CAMK1D: variants seen among roughly 807,000 people sequenced by gnomAD.
CAMK1D encodes the protein calcium/calmodulin dependent protein kinase ID, also known as calcium/calmodulin-dependent protein kinase type 1D.
Under a neutral mutation model 47.7 loss-of-function variants are expected in CAMK1D, and 9 were observed. The observed-to-expected ratio is 0.19, with a 90% CI of 0.11 to 0.33. CAMK1D has a LOEUF of 0.33. CAMK1D is among the 10% of genes least tolerant of loss of function. CAMK1D has a pLI of 1.00. For missense variants in CAMK1D, 291 were observed against 488.7 expected (o/e 0.60, Z 3.81); for synonymous variants, 184 against 184.9 (o/e 0.99, Z 0.04).
At chr10:12,534,788 T>G (rs1455995885) in intron 1 of CAMK1D, among the ~76,000 whole-genome samples, 1 of 152,208 alleles carries the variant, frequency 6.6e-6, no homozygotes, top group Non-Finnish European at 1.5e-5. Flanking sequence ...GAGCTCCTTG[T>G]ATCTTGTGGA....
At chr10:12,619,345 C>T (rs1489975676) in intron 2 of CAMK1D, among the ~76,000 whole-genome samples, 1 of 151,846 alleles carries the variant, frequency 6.6e-6, no homozygotes, top group Non-Finnish European at 1.5e-5. Context: ...GGCTGGAGTG[C>T]AGTGGTACAA....
In CAMK1D at chr10:12,524,975, C is replaced by G. The variant is rs181195911; in HGVS notation, c.93-28250C>G. 4.4e-3 allele frequency among the ~76,000 whole-genome samples: 666 copies of G among 152,034 alleles called. 5 individuals are homozygous for G. The highest frequency in any genetic ancestry group is 0.015 in the African/African-American group (642 of 41,472). On this transcript the variant is annotated intron_variant, in intron 1 of 10. Transcript: ENST00000619168. ...TTCACTGAGAATGTCTTTATTTCCC[C>G]TTTATTTCTAAATGGTATTTTATTG... is the stretch of plus-strand genomic sequence containing the variant.
At chr10:12,366,810 G>A (rs11595870) in intron 1 of CAMK1D, among the ~76,000 whole-genome samples, 4,847 of 152,156 alleles carry the variant, frequency 0.032, 101 homozygotes, top group Middle Eastern at 0.051. Flanking sequence ...CTCACTGGAG[G>A]TATTTCAGTA....
At chr10:12,482,750 C>A (rs1044215023) in intron 1 of CAMK1D, among the ~76,000 whole-genome samples, 3 of 152,244 alleles carry the variant, frequency 2.0e-5, no homozygotes, top group Admixed American at 1.3e-4. Context: ...AGTGGTAGCA[C>A]CTGAAGATAG....
intron 2 of CAMK1D, among the ~76,000 whole-genome samples, chr10:12,592,559 A>T (rs928152908): frequency 6.6e-6 from 1 of 152,102 alleles, no homozygotes; most frequent in East Asian, 1.9e-4. Context: ...CCAACCCCCC[A>T]TTCTCTGATG....
intron 3 of CAMK1D, among the ~76,000 whole-genome samples, chr10:12,759,085 A>C (rs1836371618): frequency 6.6e-6 from 1 of 152,218 alleles, no homozygotes; most frequent in Non-Finnish European, 1.5e-5. Flanking sequence ...GCAGTGGCTC[A>C]CGCCTGTAAT....
At chr10:12,677,313 C>T (rs995002514) in intron 3 of CAMK1D, among the ~76,000 whole-genome samples, 3 of 152,034 alleles carry the variant, frequency 2.0e-5, no homozygotes, top group East Asian at 1.9e-4. Flanking sequence ...AAAATGTTTC[C>T]GAATATGACA....
chr10:12,799,728 TTTGGCCCTTTAGGAGGAGGC>T (rs1838348814), intron 6 of CAMK1D, among the ~76,000 whole-genome samples: 1 of 152,174 alleles, frequency 6.6e-6, no homozygotes, highest in African/African-American at 2.4e-5. Context: ...TGCAGATGTA[TTTGGCCCTTTAGGAGGAGGC>T]TTGGTACTCT....
chr10:12,811,315 G>A (rs1832598268), intron 6 of CAMK1D, among the ~76,000 whole-genome samples: 1 of 152,072 alleles, frequency 6.6e-6, no homozygotes, highest in Non-Finnish European at 1.5e-5. Context: ...AGTCCTCTGT[G>A]TATCAAGTTA....
At chr10:12,768,214 TTAC>T (rs1478240497) in intron 4 of CAMK1D, among the ~76,000 whole-genome samples, 4 of 152,180 alleles carry the variant, frequency 2.6e-5, no homozygotes, top group Non-Finnish European at 5.9e-5. Context: ...AGGAATTTCC[TTAC>T]TGGCGAATCA....
At chr10:12,473,114 G>A (rs183565183) in intron 1 of CAMK1D, among the ~76,000 whole-genome samples, 6 of 152,240 alleles carry the variant, frequency 3.9e-5, no homozygotes, top group Non-Finnish European at 7.4e-5. Context: ...GAGAGGGTGC[G>A]CCAGGTGGAA....
intron 5 of CAMK1D, among the ~76,000 whole-genome samples, chr10:12,789,146 G>A (rs1182778627): frequency 1.3e-5 from 2 of 152,194 alleles, no homozygotes; most frequent in Non-Finnish European, 2.9e-5. Flanking sequence ...TCCAACCCCC[G>A]GAGGACAGCT....
At chr10:12,749,459 A>AG (rs1470436855) in intron 3 of CAMK1D, among the ~76,000 whole-genome samples, 5 of 151,620 alleles carry the variant, frequency 3.3e-5, no homozygotes, top group Non-Finnish European at 7.4e-5. Flanking sequence ...AAAAAAAAAA[A>AG]AAAAAGAAAT....
chr10:12,789,058 A>G (rs1296161118), intron 5 of CAMK1D, among the ~76,000 whole-genome samples: 1 of 152,208 alleles, frequency 6.6e-6, no homozygotes, highest in Non-Finnish European at 1.5e-5. Flanking sequence ...GCTCAGGAAT[A>G]TATTTACTGT....
chr10:12,428,220 T>C (rs990871342), intron 1 of CAMK1D, among the ~76,000 whole-genome samples: 3 of 152,062 alleles, frequency 2.0e-5, no homozygotes, highest in Non-Finnish European at 2.9e-5. Flanking sequence ...CCCCTCCCTG[T>C]GTCCATGTGT....
intron 3 of CAMK1D, among the ~76,000 whole-genome samples, chr10:12,694,265 A>G (rs1833128744): frequency 1.3e-5 from 1 of 76,944 alleles, no homozygotes; most frequent in South Asian, 4.6e-4. Flanking sequence ...TATAATATAT[A>G]ATATATATTA....
chr10:12,506,784 C>T (rs1418531190), intron 1 of CAMK1D, among the ~76,000 whole-genome samples: 1 of 152,202 alleles, frequency 6.6e-6, no homozygotes, highest in Non-Finnish European at 1.5e-5. Flanking sequence ...TCCCAAAGTG[C>T]TGGGATTACA....
chr10:12,591,058 T>C (rs1046021477), intron 2 of CAMK1D, among the ~76,000 whole-genome samples: 24 of 152,216 alleles, frequency 1.6e-4, no homozygotes, highest in African/African-American at 5.8e-4. Context: ...ATTCATTTCT[T>C]TGTTTTTCCT....
chr10:12,553,441 C>T, intron 2 of CAMK1D, 85 bp downstream of exon 2: 1 of 1,210,192 alleles, frequency 8.3e-7, no homozygotes, highest in East Asian at 2.3e-5. Flanking sequence ...GGCAGACTTT[C>T]CCCGGGGGCA....
Sources: allele counts gnomAD v4.1 joint callset (sites outside exome capture counted in the v4.1 genomes callset), GRCh38; gene constraint gnomAD v4.1.1; transcripts MANE v1.5; gene names NCBI Gene and HGNC (gene_info 2026-07-23, HGNC 2026-07-21).